SPAG16: variants seen among roughly 807,000 people sequenced by gnomAD.
SPAG16 encodes sperm-associated antigen 16 protein.
In SPAG16, 86 loss-of-function variants were observed where a neutral mutation model predicts 80.4. The ratio of observed to expected loss-of-function variants is 1.07; its 90% CI spans 0.90 to 1.28. SPAG16 has a LOEUF of 1.28. SPAG16 is among the 50% of genes most tolerant of loss of function. SPAG16 has a pLI of 0.00. For synonymous variants in SPAG16, 294 were observed against 265.9 expected (o/e 1.11, Z -1.03); for missense variants, 870 against 765.3 (o/e 1.14, Z -1.61).
chr2:213,601,264 C>T lies in SPAG16; in HGVS notation c.1070+111174C>T, dbSNP rs114725302. Among the ~76,000 whole-genome samples the T allele has an allele frequency of 9.2e-3, 1,405 of 152,226 alleles. 6 individuals are homozygous for T. Among genetic ancestry groups the T allele is most frequent in the Non-Finnish European group, 0.015 (1,020 of 68,006 alleles). ...CTTCTTTGGTGGATCTGAACTTTAA[C>T]CAGAAAAGGGAATTTCAGAGACCAA... On this transcript the variant is annotated intron_variant, in intron 10 of 15. Coordinates refer to ENST00000331683, the MANE Select transcript of SPAG16 (RefSeq NM_024532.5).
intron 15 of SPAG16, chr2:214,250,269 A>C (rs1690154225): frequency 2.0e-5 from 3 of 152,164 alleles, no homozygotes; most frequent in African/African-American, 7.2e-5. Flanking sequence ...TGAAAAAGTT[A>C]CATATGTTTC....
chr2:214,378,607 A>T (rs537597485), intron 15 of SPAG16, among the ~76,000 whole-genome samples: 1 of 152,276 alleles, frequency 6.6e-6, no homozygotes, highest in South Asian at 2.1e-4. Context: ...ACTTGCACTA[A>T]TCAGGACCCA....
chr2:214,348,851 A>T (rs535954399), intron 15 of SPAG16, among the ~76,000 whole-genome samples: 52 of 152,288 alleles, frequency 3.4e-4, no homozygotes, highest in African/African-American at 1.2e-3. Context: ...TAAGCCTCTA[A>T]GTTTTGGAGC....
At chr2:213,771,755 A>G (rs1200334226) in intron 10 of SPAG16, among the ~76,000 whole-genome samples, 1 of 152,026 alleles carries the variant, frequency 6.6e-6, no homozygotes, top group Non-Finnish European at 1.5e-5. Flanking sequence ...AGATCAGATG[A>G]TCATAGACGT....
At chr2:213,936,113 T>C (rs1191909706) in intron 12 of SPAG16, among the ~76,000 whole-genome samples, 3 of 151,940 alleles carry the variant, frequency 2.0e-5, no homozygotes, top group Non-Finnish European at 2.9e-5. Context: ...CTGAATAAGG[T>C]GAATCAGCAA....
intron 10 of SPAG16, among the ~76,000 whole-genome samples, chr2:213,648,794 AAAGTACTCC>A (rs2062919239): frequency 6.6e-6 from 1 of 152,206 alleles, no homozygotes; most frequent in South Asian, 2.1e-4. Flanking sequence ...AAATTCCAGG[AAAGTACTCC>A]AATTTGCTTA....
chr2:213,385,032 A>T (rs1162045729), intron 9 of SPAG16, among the ~76,000 whole-genome samples: 6 of 151,956 alleles, frequency 3.9e-5, no homozygotes, highest in Non-Finnish European at 7.4e-5. Context: ...TAGTTCTCTA[A>T]TAACATACTC....
chr2:214,065,989 A>G (rs546729068), intron 13 of SPAG16, among the ~76,000 whole-genome samples: 4 of 152,322 alleles, frequency 2.6e-5, no homozygotes, highest in South Asian at 2.1e-4. Flanking sequence ...CCACTTTACT[A>G]GTGCAGATTA....
chr2:213,812,808 T>C (rs1303422530), intron 10 of SPAG16, among the ~76,000 whole-genome samples: 3 of 152,122 alleles, frequency 2.0e-5, no homozygotes, highest in Non-Finnish European at 4.4e-5. Context: ...CTGGGACGAG[T>C]ACTTAAAACT....
intron 3 of SPAG16, among the ~76,000 whole-genome samples, chr2:213,304,903 G>A (rs2062879497): frequency 6.6e-6 from 1 of 152,098 alleles, no homozygotes; most frequent in African/African-American, 2.4e-5. Context: ...CTGTTTCTAT[G>A]AAGAATGTCA....
chr2:213,930,945 G>C (rs768098614), intron 12 of SPAG16, among the ~76,000 whole-genome samples: 1 of 152,280 alleles, frequency 6.6e-6, no homozygotes, highest in South Asian at 2.1e-4. Context: ...CAGCAGAGAA[G>C]TGCCCTCTCC....
At chr2:214,143,396 G>C (rs559971588) in intron 14 of SPAG16, among the ~76,000 whole-genome samples, 3 of 151,334 alleles carry the variant, frequency 2.0e-5, no homozygotes, top group East Asian at 1.9e-4. Context: ...TCTTGACCAG[G>C]GTCCTTCCAT....
chr2:213,639,620 G>A (rs1018444463), intron 10 of SPAG16, among the ~76,000 whole-genome samples: 1 of 152,120 alleles, frequency 6.6e-6, no homozygotes, highest in Non-Finnish European at 1.5e-5. Context: ...CTGTAAATCT[G>A]ATACATTTTC....
rs1007144712 is a variant in SPAG16, at chr2:213,415,427, T to C, written c.942+40308T>C. ...CTGGAAATATCATTTTTTCAGCACATGAAAAAACAATTGAAGTGGAACAAA... is the reference window on the plus strand; with the variant it reads ...CTGGAAATATCATTTTTTCAGCACACGAAAAAACAATTGAAGTGGAACAAA... On this transcript the variant is annotated intron_variant, in intron 9 of 15. Coordinates refer to ENST00000331683, the MANE Select transcript of SPAG16 (RefSeq NM_024532.5). Among the ~76,000 whole-genome samples the C allele has an allele frequency of 3.3e-5, 5 of 152,224 alleles. No individual in the cohort carries two copies. The East Asian group carries it at 9.6e-4, about 29-fold the overall frequency.
intron 10 of SPAG16, among the ~76,000 whole-genome samples, chr2:213,735,057 A>G (rs900287855): frequency 6.6e-5 from 10 of 152,038 alleles, no homozygotes; most frequent in Non-Finnish European, 8.8e-5. Flanking sequence ...AGCCCTTGAG[A>G]AGTCCAAAAA....
chr2:213,635,356 C>A (rs372251697), intron 10 of SPAG16, among the ~76,000 whole-genome samples: 2 of 152,040 alleles, frequency 1.3e-5, no homozygotes, highest in Admixed American at 1.3e-4. Flanking sequence ...TTTTTGCAAT[C>A]GTGAATTGTG....
At chr2:213,507,001 C>G (rs1401994364) in intron 10 of SPAG16, among the ~76,000 whole-genome samples, 1 of 152,168 alleles carries the variant, frequency 6.6e-6, no homozygotes, top group African/African-American at 2.4e-5. Context: ...AATGTAAGTT[C>G]TCTTTCCTGC....
chr2:213,333,791 A>C (rs1031237571), intron 5 of SPAG16, among the ~76,000 whole-genome samples: 1 of 152,154 alleles, frequency 6.6e-6, no homozygotes, highest in African/African-American at 2.4e-5. Context: ...GGAAAACTGG[A>C]TATCTATATG....
chr2:213,737,139 T>G (rs2067317251), intron 10 of SPAG16, among the ~76,000 whole-genome samples: 1 of 152,202 alleles, frequency 6.6e-6, no homozygotes, highest in South Asian at 2.1e-4. Context: ...TTTTTATTTC[T>G]ATAGAAAATC....
Sources: allele counts gnomAD v4.1 joint callset (sites outside exome capture counted in the v4.1 genomes callset), GRCh38; gene constraint gnomAD v4.1.1; transcripts MANE v1.5; gene names NCBI Gene and HGNC (gene_info 2026-07-23, HGNC 2026-07-21).